The following SLC24A2 variants were observed in gnomAD, a reference collection of about 807,000 sequenced individuals.
SLC24A2 encodes solute carrier family 24 member 2.
In SLC24A2, 36 loss-of-function variants were observed where a neutral mutation model predicts 62.0. That is an observed-to-expected ratio of 0.58 (90% CI 0.44 to 0.77). The LOEUF (loss-of-function observed/expected upper bound fraction) is 0.77, where lower values mean the gene tolerates loss of function less well. Ranked by LOEUF, SLC24A2 falls within the 30% of genes least tolerant of loss-of-function variation. The probability of loss-of-function intolerance (pLI) is 0.00; values close to 1 mark genes in which losing one functional copy is unlikely to be tolerated. For missense variants in SLC24A2, 846 were observed against 817.9 expected (o/e 1.03, Z -0.42); for synonymous variants, 358 against 294.0 (o/e 1.22, Z -2.23).
chr9:20,230,945 T>C, the SLC24A2 span, among the ~76,000 whole-genome samples: 18 of 152,356 alleles, frequency 1.2e-4, no homozygotes, highest in African/African-American at 3.8e-4. Flanking sequence ...CTCAGCTTTC[T>C]ACATATGGCT....
chr9:20,177,331 C>T, the SLC24A2 span, among the ~76,000 whole-genome samples: 3 of 152,108 alleles, frequency 2.0e-5, no homozygotes. Context: ...ATTTACTTCG[C>T]CTTTTTTCCT....
At chr9:19,853,131 G>A in the SLC24A2 span, among the ~76,000 whole-genome samples, 1 of 152,124 alleles carries the variant, frequency 6.6e-6, no homozygotes, top group African/African-American at 2.4e-5. Flanking sequence ...TGTTGTTGGT[G>A]TATAGGAATG....
rs1168764113 is a variant in SLC24A2 at position 19,512,821 on chromosome 9, G to A, written c.*3332C>T. 6.6e-6 allele frequency: 1 copy of A among 152,070 alleles called. No homozygotes were observed. The highest frequency in any genetic ancestry group is 1.5e-5 in the Non-Finnish European group (1 of 68,018). 9.4% of individuals were successfully genotyped at this position (152,070 alleles called of 1,614,324 possible). On this transcript the variant is annotated 3_prime_UTR_variant, in exon 11 of 11. Coordinates refer to ENST00000341998, the MANE Select transcript of SLC24A2 (RefSeq NM_020344.4). ...CAGAGAAGCAAAGAGAGTATCTGCA[G>A]TCTAAATTTTTGCTTTGTATTTTCT...
chr9:19,871,897 A>G, the SLC24A2 span, among the ~76,000 whole-genome samples: 1 of 152,128 alleles, frequency 6.6e-6, no homozygotes, highest in Non-Finnish European at 1.5e-5. Flanking sequence ...GGTGGTAAAA[A>G]CTACTTACAG....
the SLC24A2 span, among the ~76,000 whole-genome samples, chr9:20,070,399 TATC>T: frequency 5.8e-4 from 89 of 152,342 alleles, no homozygotes; most frequent in African/African-American, 2.0e-3. Context: ...TTATTACTCT[TATC>T]ATTGTAAAAA....
At chr9:20,252,027 A>C in the SLC24A2 span, among the ~76,000 whole-genome samples, 4 of 152,222 alleles carry the variant, frequency 2.6e-5, no homozygotes. Context: ...TTCCTAGACC[A>C]ATCACTGTCA....
At chr9:20,064,442 T>G in the SLC24A2 span, among the ~76,000 whole-genome samples, 1 of 152,152 alleles carries the variant, frequency 6.6e-6, no homozygotes, top group Non-Finnish European at 1.5e-5. Flanking sequence ...TTAAAATTAT[T>G]GAATTATAAT....
intron 7 of SLC24A2, among the ~76,000 whole-genome samples, chr9:19,570,932 C>T (rs189028045): frequency 6.6e-6 from 1 of 152,186 alleles, no homozygotes; most frequent in African/African-American, 2.4e-5. Flanking sequence ...CTGAGCCTAG[C>T]AGGGTGGTGC....
At chr9:19,682,665 AC>A (rs1257061007) in intron 2 of SLC24A2, among the ~76,000 whole-genome samples, 1 of 152,208 alleles carries the variant, frequency 6.6e-6, no homozygotes, top group Non-Finnish European at 1.5e-5. Context: ...AGTAGAGGTG[AC>A]CTCTAAATAC....
At chr9:20,259,143 T>C in the SLC24A2 span, among the ~76,000 whole-genome samples, 77 of 152,218 alleles carry the variant, frequency 5.1e-4, no homozygotes, top group Non-Finnish European at 9.9e-4. Context: ...TTTCCAAGAA[T>C]TGGAAAAGAC....
chr9:20,274,352 C>T, the SLC24A2 span, among the ~76,000 whole-genome samples: 1 of 152,128 alleles, frequency 6.6e-6, no homozygotes, highest in Admixed American at 6.5e-5. Context: ...TTATGAAAGG[C>T]ATTTTAGCTC....
the SLC24A2 span, among the ~76,000 whole-genome samples, chr9:19,998,212 G>A: frequency 4.6e-5 from 7 of 152,074 alleles, no homozygotes; most frequent in African/African-American, 1.7e-4. Context: ...GACATGGCAG[G>A]GCTAGGATTC....
the SLC24A2 span, among the ~76,000 whole-genome samples, chr9:19,954,738 T>C: frequency 3.3e-5 from 5 of 152,114 alleles, no homozygotes; most frequent in Non-Finnish European, 7.4e-5. Context: ...CTGAGGAACA[T>C]CTTTCAGTGA....
chr9:19,857,918 C>T, the SLC24A2 span, among the ~76,000 whole-genome samples: 2 of 152,162 alleles, frequency 1.3e-5, no homozygotes, highest in Middle Eastern at 3.4e-3. Flanking sequence ...ATTAAAATGG[C>T]CATACTGCCC....
At chr9:20,212,190 G>A in the SLC24A2 span, among the ~76,000 whole-genome samples, 1 of 151,462 alleles carries the variant, frequency 6.6e-6, no homozygotes, top group South Asian at 2.1e-4. Context: ...TCAGTAAAAA[G>A]GAAAATTCAA....
chr9:20,097,720 ATTTTTTTTTTTTTTTTTTTTTTTT>A, the SLC24A2 span, among the ~76,000 whole-genome samples: 45 of 69,118 alleles, frequency 6.5e-4, no homozygotes, highest in Middle Eastern at 0.018. Context: ...ATCTTAAATA[ATTTTTTTTTTTTTTTTTTTTTTTT>A]TTTTTTTTTT....
the SLC24A2 span, among the ~76,000 whole-genome samples, chr9:20,020,630 T>C: frequency 3.3e-5 from 5 of 152,150 alleles, no homozygotes; most frequent in Admixed American, 2.6e-4. Flanking sequence ...AGATGATGGG[T>C]TGATGGGTGT....
intron 4 of SLC24A2, among the ~76,000 whole-genome samples, chr9:19,613,969 G>T (rs1468097313): frequency 6.6e-6 from 1 of 152,154 alleles, no homozygotes; most frequent in Admixed American, 6.5e-5. Flanking sequence ...TAATGAGATG[G>T]TTTATATAAA....
rs1052652007 is a variant in SLC24A2 at position 19,507,875 on chromosome 9, T to C, written c.*8278A>G. ...CAAAGGAAGCATGAGACCACGTCTATCCTAAAAAAGATCCTTTACAAAAAT... is the reference window on the plus strand; with the variant it reads ...CAAAGGAAGCATGAGACCACGTCTACCCTAAAAAAGATCCTTTACAAAAAT... On this transcript the variant is annotated 3_prime_UTR_variant, in exon 11 of 11. Transcript: ENST00000341998. 6.6e-6 allele frequency: 1 copy of C among 152,232 alleles called. No individual in the cohort carries two copies. The allele number at this position is 152,232 out of a possible 1,614,324, so 9.4% of individuals were successfully genotyped here.
Sources: gnomAD v4.1 joint callset for allele counts (sites outside exome capture counted in the v4.1 genomes callset) on GRCh38, gnomAD v4.1.1 for gene constraint, MANE v1.5 for transcripts, NCBI Gene and HGNC (gene_info 2026-07-23, HGNC 2026-07-21) for gene names.